The following ZBTB7C variants were observed in gnomAD, a reference collection of about 807,000 sequenced individuals.
The protein encoded by ZBTB7C is zinc finger and BTB domain containing 7C, also known as zinc finger and BTB domain-containing protein 7C.
In ZBTB7C, 8 loss-of-function variants were observed where a neutral mutation model predicts 25.7. That is an observed-to-expected ratio of 0.31 (90% CI 0.18 to 0.56). ZBTB7C has a LOEUF of 0.56. Ranked by LOEUF, ZBTB7C falls within the 20% of genes least tolerant of loss-of-function variation. The probability of loss-of-function intolerance (pLI) is 0.91; values close to 1 mark genes in which losing one functional copy is unlikely to be tolerated. For missense variants in ZBTB7C, 824 were observed against 855.2 expected, an observed-to-expected ratio of 0.96 and a Z score of 0.46; for synonymous variants, 394 against 369.0, an observed-to-expected ratio of 1.07 and a Z score of -0.78.
intron 1 of ZBTB7C, among the ~76,000 whole-genome samples, chr18:48,370,874 T>C (rs572604759): frequency 1.3e-5 from 2 of 152,302 alleles, no homozygotes; most frequent in African/African-American, 4.8e-5. Flanking sequence ...GATCTTTCAC[T>C]TGGCCTCTTC....
chr18:48,207,013 A>C (rs1473051265), intron 2 of ZBTB7C, among the ~76,000 whole-genome samples: 3 of 152,250 alleles, frequency 2.0e-5, no homozygotes. Flanking sequence ...AAATAGACTT[A>C]CCAATTAAAA....
At chr18:48,326,947 C>T (rs996823771) in intron 2 of ZBTB7C, among the ~76,000 whole-genome samples, 1 of 152,200 alleles carries the variant, frequency 6.6e-6, no homozygotes, top group Non-Finnish European at 1.5e-5. Context: ...CAAAGTCCTG[C>T]AGGTGCAAGA....
chr18:48,113,268 GGAGATAAT>G (rs2039310102), intron 3 of ZBTB7C, among the ~76,000 whole-genome samples: 1 of 152,210 alleles, frequency 6.6e-6, no homozygotes, highest in African/African-American at 2.4e-5. Context: ...TCTGCTAAAT[GGAGATAAT>G]ACCCCCTGGT....
chr18:48,265,490 T>C (rs116757130), intron 2 of ZBTB7C, among the ~76,000 whole-genome samples: 2,032 of 152,264 alleles, frequency 0.013, 50 homozygotes, highest in African/African-American at 0.046. Flanking sequence ...AGTTTGCTCA[T>C]CTCTAGAACA....
At chr18:48,276,385 G>T (rs1331138926) in intron 2 of ZBTB7C, among the ~76,000 whole-genome samples, 8 of 148,082 alleles carry the variant, frequency 5.4e-5, no homozygotes, top group Non-Finnish European at 8.9e-5. Flanking sequence ...ATGCCATGCT[G>T]GTGCACTGCA....
At chr18:48,358,126 G>C (rs1176457815) in intron 1 of ZBTB7C, among the ~76,000 whole-genome samples, 1 of 152,194 alleles carries the variant, frequency 6.6e-6, no homozygotes. Context: ...CGAGGCGGGT[G>C]GATCAGTTGA....
At chr18:48,370,417 A>T (rs1002464476) in intron 1 of ZBTB7C, among the ~76,000 whole-genome samples, 23 of 152,198 alleles carry the variant, frequency 1.5e-4, no homozygotes, top group Non-Finnish European at 2.5e-4. Context: ...TAAAGCAGGG[A>T]ATGAGGGCAA....
chr18:48,053,204 C>T (rs2036766814), intron 3 of ZBTB7C, among the ~76,000 whole-genome samples: 1 of 152,172 alleles, frequency 6.6e-6, no homozygotes, highest in Admixed American at 6.5e-5. Flanking sequence ...TCTGTCTTCC[C>T]ATCGCCCCTA....
chr18:48,408,876 C>A (rs896004864), intron 1 of ZBTB7C, among the ~76,000 whole-genome samples: 8 of 151,476 alleles, frequency 5.3e-5, no homozygotes, highest in African/African-American at 1.9e-4. Flanking sequence ...CCAGGAGGCG[C>A]GGCGCCCGCT....
intron 3 of ZBTB7C, among the ~76,000 whole-genome samples, chr18:48,178,770 T>C (rs940729405): frequency 7.9e-5 from 12 of 152,194 alleles, no homozygotes; most frequent in African/African-American, 2.7e-4. Context: ...ATCAGGTCCA[T>C]TCTGTTCTCC....
intron 2 of ZBTB7C, among the ~76,000 whole-genome samples, chr18:48,202,086 G>A (rs528434497): frequency 1.1e-3 from 164 of 152,226 alleles, no homozygotes; most frequent in Non-Finnish European, 1.8e-3. Context: ...GTTGGAGCAG[G>A]GACTTTGCCT....
At chr18:48,123,155 T>C (rs922356022) in intron 3 of ZBTB7C, among the ~76,000 whole-genome samples, 5 of 152,114 alleles carry the variant, frequency 3.3e-5, no homozygotes, top group African/African-American at 1.2e-4. Flanking sequence ...GGATCACTGA[T>C]TGCTTTGTGA....
At chr18:48,091,546 G>A (rs559172210) in intron 3 of ZBTB7C, among the ~76,000 whole-genome samples, 61 of 152,066 alleles carry the variant, frequency 4.0e-4, no homozygotes, top group African/African-American at 1.2e-3. Context: ...TTATTGTATC[G>A]GACAGCTCAT....
chr18:48,188,823 G>A (rs186147196), intron 2 of ZBTB7C, among the ~76,000 whole-genome samples: 78 of 152,062 alleles, frequency 5.1e-4, no homozygotes, highest in Non-Finnish European at 8.1e-4. Context: ...TGCCTAGAAA[G>A]CCCCTTCCTG....
intron 3 of ZBTB7C, chr18:48,076,914 G>A: frequency 1.0e-6 from 1 of 984,340 alleles, no homozygotes; most frequent in Non-Finnish European, 1.2e-6. Context: ...AATCAAGGAA[G>A]AAGCTTCAAA....
chr18:48,168,452 A>G (rs2041346536), intron 3 of ZBTB7C, among the ~76,000 whole-genome samples: 2 of 152,256 alleles, frequency 1.3e-5, no homozygotes, highest in African/African-American at 4.8e-5. Flanking sequence ...CTGGGAGAAA[A>G]TATTTGCATT....
intron 2 of ZBTB7C, among the ~76,000 whole-genome samples, chr18:48,233,105 T>C (rs773175404): frequency 1.3e-5 from 2 of 152,184 alleles, no homozygotes; most frequent in African/African-American, 4.8e-5. Context: ...CAATGCAGCA[T>C]TGGCAGGTGG....
chr18:48,398,557 C>T (rs2048082382), intron 1 of ZBTB7C, among the ~76,000 whole-genome samples: 1 of 152,168 alleles, frequency 6.6e-6, no homozygotes, highest in African/African-American at 2.4e-5. Context: ...ACCTCTGTGG[C>T]TTCTCTTTGC....
chr18:48,275,162 A>T (rs1291858282), intron 2 of ZBTB7C, among the ~76,000 whole-genome samples: 2 of 152,244 alleles, frequency 1.3e-5, no homozygotes, highest in Non-Finnish European at 2.9e-5. Context: ...ATTACTTGAT[A>T]CCAAACTCGG....
Sources: gnomAD v4.1 joint callset for allele counts (sites outside exome capture counted in the v4.1 genomes callset) on GRCh38, gnomAD v4.1.1 for gene constraint, MANE v1.5 for transcripts, NCBI Gene and HGNC (gene_info 2026-07-23, HGNC 2026-07-21) for gene names.